NPAT: variants seen among roughly 807,000 people sequenced by gnomAD.
The protein encoded by NPAT is nuclear protein, coactivator of histone transcription.
A neutral mutation model predicts 130.7 loss-of-function variants in NPAT; 52 were observed. The ratio of observed to expected loss-of-function variants is 0.40; its 90% CI spans 0.32 to 0.50. The LOEUF is 0.50. Among genes scored for constraint, NPAT ranks in the 20% least tolerant of loss-of-function variants. The pLI is 0.68. For missense variants in NPAT, 1,687 were observed against 1,662.6 expected (o/e 1.01, Z -0.26); for synonymous variants, 580 against 584.8 (o/e 0.99, Z 0.12).
At chr11:108,196,062 A>T (rs1050162765) in intron 2 of NPAT, among the ~76,000 whole-genome samples, 1 of 152,218 alleles carries the variant, frequency 6.6e-6, no homozygotes, top group Non-Finnish European at 1.5e-5. Context: ...CCAACTTTGC[A>T]CAATTTTTTT....
intron 15 of NPAT, among the ~76,000 whole-genome samples, chr11:108,166,708 C>G (rs1337158570): frequency 4.6e-5 from 7 of 152,016 alleles, no homozygotes. Flanking sequence ...AATATTTTAC[C>G]ATTTGGTAGA....
intron 1 of NPAT, among the ~76,000 whole-genome samples, chr11:108,212,529 GAA>G (rs1185105979): frequency 2.9e-5 from 2 of 68,538 alleles, no homozygotes; most frequent in Non-Finnish European, 3.2e-5. Context: ...CGTCTCAAAA[GAA>G]AAAAAAAAAA....
At chr11:108,188,304 T>C (rs1565318213) in intron 6 of NPAT, 125 bp from the exon 7 acceptor site, 1 of 749,078 alleles carries the variant, frequency 1.3e-6, no homozygotes, top group Non-Finnish European at 2.4e-6. Flanking sequence ...ACTGAGTGCC[T>C]ACCATGTGTA....
chr11:108,158,574 G>GT lies in NPAT; in HGVS notation c.*367dup. On this transcript the variant is annotated 3_prime_UTR_variant, in exon 18 of 18. Transcript: ENST00000278612. ...ACAAGTGAGAAACTATTCCAGATGAGTAAGTCTCAGAATTAGGGATCATAA... is the reference window on the plus strand; with the variant it reads ...ACAAGTGAGAAACTATTCCAGATGAGTTAAGTCTCAGAATTAGGGATCATAA... 1 of 171,282 alleles carries GT rather than the reference G, an allele frequency of 5.8e-6. No homozygotes were observed. Among genetic ancestry groups the GT allele is most frequent in the South Asian group, 1.4e-4 (1 of 6,998 alleles). The allele number at this position is 171,282 out of a possible 1,614,324, so 10.6% of individuals were successfully genotyped here.
chr11:108,187,489 A>G (rs547372989), intron 7 of NPAT, among the ~76,000 whole-genome samples: 1 of 152,272 alleles, frequency 6.6e-6, no homozygotes, highest in South Asian at 2.1e-4. Flanking sequence ...TTGTTATTTT[A>G]TATGGTGAAG....
rs538797191 is a variant in NPAT at position 108,206,592 on chromosome 11, G to A, written c.38-9172C>T. Reference sequence around the variant, plus strand: ...ACATCAAGAATCCCAGAGCCCCAAAGAGGGTGTCACAACCCTGGTTTGGGG... The same window carrying A: ...ACATCAAGAATCCCAGAGCCCCAAAAAGGGTGTCACAACCCTGGTTTGGGG... On this transcript the variant is annotated intron_variant, in intron 1 of 17. Coordinates refer to ENST00000278612, the MANE Select transcript of NPAT (RefSeq NM_002519.3). Among the ~76,000 whole-genome samples, 10 of 152,302 alleles carry A rather than the reference G, an allele frequency of 6.6e-5. No individual in the cohort carries two copies. In the East Asian group the frequency reaches 1.9e-3, roughly 29 times the overall value.
Position 108,157,675 on chromosome 11 carries a change from G to A in NPAT, c.*1267C>T, listed in dbSNP as rs532836614. On this transcript the variant is annotated 3_prime_UTR_variant, in exon 18 of 18. Coordinates refer to ENST00000278612, the MANE Select transcript of NPAT (RefSeq NM_002519.3). Reference sequence around the variant, plus strand: ...CTCTTCAACAAAATATACACCTGTAGAAAAAAATCCCTAATATACTGATAT... The same window carrying A: ...CTCTTCAACAAAATATACACCTGTAAAAAAAAATCCCTAATATACTGATAT... 6.6e-6 allele frequency: 1 copy of A among 152,024 alleles called. No homozygotes were observed. The highest frequency in any genetic ancestry group is 1.5e-5 in the Non-Finnish European group (1 of 67,938). 9.4% of individuals were successfully genotyped at this position (152,024 alleles called of 1,614,324 possible).
In NPAT at chr11:108,164,777, C is replaced by T. The variant is rs148541409; in HGVS notation, c.3011-2597G>A. Among the ~76,000 whole-genome samples, 6 of 152,114 alleles carry T rather than the reference C, an allele frequency of 3.9e-5. No homozygotes were observed. In the East Asian group the frequency reaches 5.8e-4, roughly 15 times the overall value. ...CTGTAATCCCAGCACTTTGGGAGGC[C>T]GAGGCAGGCAGATCACCTGAGGTCA... On this transcript the variant is annotated intron_variant, in intron 15 of 17. Transcript: ENST00000278612.
rs539117126 is a variant in NPAT at position 108,157,953 on chromosome 11, T to G, written c.*989A>C. 23 of 152,648 alleles carry G rather than the reference T, an allele frequency of 1.5e-4. No individual in the cohort carries two copies. Among genetic ancestry groups the G allele is most frequent in the African/African-American group, 5.3e-4 (22 of 41,564 alleles). The allele number at this position is 152,648 out of a possible 1,614,324, so 9.5% of individuals were successfully genotyped here. A position where few individuals can be genotyped will look rare whatever the true frequency, so the allele number is the denominator to read the frequency against. Reference sequence around the variant, plus strand: ...ATATCTAAGTATAGATATAGTTATTTAACATACCCATTGTAGGAGAAACTA... The same window carrying G: ...ATATCTAAGTATAGATATAGTTATTGAACATACCCATTGTAGGAGAAACTA... On this transcript the variant is annotated 3_prime_UTR_variant, in exon 18 of 18. Coordinates refer to ENST00000278612, the MANE Select transcript of NPAT (RefSeq NM_002519.3).
At chr11:108,218,995 T>C (rs902209923) in intron 1 of NPAT, among the ~76,000 whole-genome samples, 1 of 152,210 alleles carries the variant, frequency 6.6e-6, no homozygotes, top group African/African-American at 2.4e-5. Context: ...TAAAGGTGAA[T>C]AGAACCAGCA....
chr11:108,203,822 T>C (rs1166870193), intron 1 of NPAT, among the ~76,000 whole-genome samples: 2 of 152,226 alleles, frequency 1.3e-5, no homozygotes, highest in South Asian at 2.1e-4. Context: ...TTTCAGCATG[T>C]TTAGTCTATT....
At chr11:108,170,190 A>C in intron 13 of NPAT, 147 bp from the exon 14 acceptor site, 4 of 607,566 alleles carry the variant, frequency 6.6e-6, no homozygotes, top group Non-Finnish European at 5.9e-6. Context: ...CAAAAACAAA[A>C]CAAAACAAAA....
chr11:108,220,242 G>A (rs553808946), intron 1 of NPAT, among the ~76,000 whole-genome samples: 5 of 152,318 alleles, frequency 3.3e-5, no homozygotes, highest in Non-Finnish European at 5.9e-5. Context: ...GGAGTAGTGA[G>A]ATGCAAAAGT....
chr11:108,158,382 T>TA lies in NPAT; in HGVS notation c.*559dup, dbSNP rs61380955. 80,221 of 152,500 alleles carry TA rather than the reference T, an allele frequency of 0.53. 21,946 individuals are homozygous for TA. The highest frequency in any genetic ancestry group is 0.73 in the Middle Eastern group (213 of 292). 9.4% of individuals were successfully genotyped at this position (152,500 alleles called of 1,614,324 possible). ...TACAGCAATTATAAGAAAGGGGTAGTATTCACTCTAGGAAAAAAACTCATC... is the reference window on the plus strand; with the variant it reads ...TACAGCAATTATAAGAAAGGGGTAGTAATTCACTCTAGGAAAAAAACTCATC... On this transcript the variant is annotated 3_prime_UTR_variant, in exon 18 of 18. Transcript: ENST00000278612.
At chr11:108,198,780 T>C (rs1426707017) in intron 1 of NPAT, among the ~76,000 whole-genome samples, 2 of 152,182 alleles carry the variant, frequency 1.3e-5, no homozygotes, top group Admixed American at 6.5e-5. Flanking sequence ...CCCTCTCACA[T>C]GGAGCTCTAC....
In NPAT at chr11:108,185,472, C is replaced by T; in HGVS notation, c.749G>A (p.Arg250Gln). 1 of 1,610,720 alleles carries T rather than the reference C, an allele frequency of 6.2e-7. No homozygotes were observed. The highest frequency in any genetic ancestry group is 8.5e-7 in the Non-Finnish European group (1 of 1,177,844). The change falls in exon 9 of 18, where the codon CGA (arginine) becomes CAA (glutamine). Residue 250 changes from arginine to glutamine, a missense_variant. Physicochemically the swap from Arg to Gln is conservative, Grantham distance 43. Around this residue, in one of 3 missense-constraint regions of NPAT, gnomAD observed 307 missense variants for 298.9 expected, o/e 1.03. Coordinates refer to ENST00000278612, the MANE Select transcript of NPAT (RefSeq NM_002519.3). ...VEKQMVIENA[R>Q]EKILSNKSLQ... ...AGATTTGTTGCTTAGTATTTTTTCT[C>T]GTGCATTTTCAATAACCATTTGCTG...
rs186678391 is a variant in NPAT, at chr11:108,172,182, T to C, written c.2785+17A>G. 58 of 1,608,744 alleles carry C rather than the reference T, an allele frequency of 3.6e-5. No homozygotes were observed. In the East Asian group the frequency reaches 1.2e-3, roughly 33 times the overall value. On this transcript the variant is annotated intron_variant, in intron 13 of 17. Coordinates refer to ENST00000278612, the MANE Select transcript of NPAT (RefSeq NM_002519.3). Reference sequence around the variant, plus strand: ...CCAACCCAGAGAAACAAATTTCAATTATGTTATTAAAGTTACCTTGTGAAA... The same window carrying C: ...CCAACCCAGAGAAACAAATTTCAATCATGTTATTAAAGTTACCTTGTGAAA...
At chr11:108,218,257 T>C (rs757329935) in intron 1 of NPAT, among the ~76,000 whole-genome samples, 3 of 152,054 alleles carry the variant, frequency 2.0e-5, no homozygotes, top group African/African-American at 4.8e-5. Context: ...GAGGTGGTAA[T>C]GAGTAACTAA....
intron 3 of NPAT, 95 bp downstream of exon 3, chr11:108,193,862 T>G (rs2134870216): frequency 3.0e-5 from 23 of 773,526 alleles, no homozygotes; most frequent in Middle Eastern, 3.3e-4. Context: ...AAGGCTTTTA[T>G]GAGACATTAA....
Sources: gnomAD v4.1 joint callset for allele counts (sites outside exome capture counted in the v4.1 genomes callset) on GRCh38, gnomAD v4.1.1 for gene constraint, gnomAD v4.1.1 regional missense constraint, MANE v1.5 for transcripts, NCBI Gene and HGNC (gene_info 2026-07-23, HGNC 2026-07-21) for gene names.